NHS: variants seen among roughly 807,000 people sequenced by gnomAD.
NHS encodes NHS actin remodeling regulator.
A neutral mutation model predicts 72.5 loss-of-function variants in NHS; 5 were observed. The ratio of observed to expected loss-of-function variants is 0.07; its 90% CI spans 0.04 to 0.14. The LOEUF (loss-of-function observed/expected upper bound fraction) is 0.14, where lower values mean the gene tolerates loss of function less well. Ranked by LOEUF, NHS falls within the 10% of genes least tolerant of loss-of-function variation. The pLI is 1.00. For missense variants in NHS, 1,072 were observed against 1,355.7 expected (o/e 0.79, Z 3.29); for synonymous variants, 464 against 547.7 (o/e 0.85, Z 2.13).
At chrX:17,469,071 C>T (rs745646367) in intron 1 of NHS, among the ~76,000 whole-genome samples, 148 of 111,865 alleles carry the variant, frequency 1.3e-3, no homozygotes, top group African/African-American at 4.4e-3. Flanking sequence ...TGGAATCATA[C>T]AGTATGTGCC....
At chrX:17,532,610 T>C (rs1315852874) in intron 1 of NHS, among the ~76,000 whole-genome samples, 2 of 111,715 alleles carry the variant, frequency 1.8e-5, no homozygotes, top group Non-Finnish European at 3.8e-5. Flanking sequence ...GTCTATAGAA[T>C]GTCTCCCAGG....
chrX:17,442,363 A>C (rs751811215), intron 1 of NHS, among the ~76,000 whole-genome samples: 1 of 112,300 alleles, frequency 8.9e-6, no homozygotes, highest in South Asian at 3.8e-4. Flanking sequence ...GAGCCAGCAG[A>C]TGACAGAGGA....
At chrX:17,700,212 G>A (rs2066254157) in intron 3 of NHS, among the ~76,000 whole-genome samples, 2 of 110,861 alleles carry the variant, frequency 1.8e-5, no homozygotes, top group Admixed American at 9.6e-5. Flanking sequence ...GGAGGCTCAG[G>A]TGGGAGGATC....
intron 1 of NHS, among the ~76,000 whole-genome samples, chrX:17,666,618 C>A (rs1440363967): frequency 9.0e-6 from 1 of 111,551 alleles, no homozygotes; most frequent in African/African-American, 3.3e-5. Context: ...TGAATGAAAG[C>A]TGAAAATATG....
intron 1 of NHS, among the ~76,000 whole-genome samples, chrX:17,454,783 T>C (rs1322155399): frequency 8.9e-6 from 1 of 112,161 alleles, no homozygotes; most frequent in East Asian, 2.8e-4. Context: ...TCGTAAGGCA[T>C]CTACGGACTC....
rs751357851 is a variant in NHS at position 17,726,047 on chromosome X, A to C, written c.1941A>C (p.Glu647Asp). 8.3e-7 allele frequency: 1 copy of C among 1,211,438 alleles called. No individual in the cohort carries two copies. The highest frequency in any genetic ancestry group is 2.2e-5 in the Admixed American group (1 of 45,997). The change falls in exon 7 of 9, where the codon GAA (glutamate) becomes GAC (aspartate). Residue 647 changes from glutamate to aspartate, a missense_variant. Coordinates refer to ENST00000676302, the MANE Select transcript of NHS (RefSeq NM_001291867.2). Reference sequence around the variant, plus strand: ...CCACGTGCCCCTCGCAGACCTCAGAAACCATCCCTCCTGCAGCTTCTCCTC... The same window carrying C: ...CCACGTGCCCCTCGCAGACCTCAGACACCATCCCTCCTGCAGCTTCTCCTC... The part of the protein sequence containing the change: ...SSSTCPSQTS[E>D]TIPPAASPPL...
At chrX:17,681,917 T>G in intron 1 of NHS, among the ~76,000 whole-genome samples, 1 of 111,582 alleles carries the variant, frequency 9.0e-6, no homozygotes, top group South Asian at 3.7e-4. Context: ...TTTCTGATGC[T>G]GAGAGGTGAA....
At chrX:17,420,184 A>C (rs1206606018) in intron 1 of NHS, among the ~76,000 whole-genome samples, 2 of 112,163 alleles carry the variant, frequency 1.8e-5, no homozygotes, top group Non-Finnish European at 3.8e-5. Context: ...TGAGATATTT[A>C]ATGACAACAG....
chrX:17,729,100 T>G (rs765267129), intron 8 of NHS, among the ~76,000 whole-genome samples: 22 of 111,550 alleles, frequency 2.0e-4, no homozygotes, highest in African/African-American at 7.2e-4. Context: ...GAGTGAAAGC[T>G]CAAACTCTAG....
chrX:17,534,564 C>T (rs922428466), intron 1 of NHS, among the ~76,000 whole-genome samples: 3 of 111,266 alleles, frequency 2.7e-5, no homozygotes, highest in African/African-American at 9.8e-5. Flanking sequence ...ACTCTAGTGG[C>T]CCCATAAATG....
intron 1 of NHS, among the ~76,000 whole-genome samples, chrX:17,478,350 G>A (rs1404966940): frequency 1.8e-5 from 2 of 112,011 alleles, no homozygotes; most frequent in African/African-American, 6.5e-5. Context: ...TCTCTAACGT[G>A]CTCAAGATGA....
intron 1 of NHS, among the ~76,000 whole-genome samples, chrX:17,445,495 T>A (rs2064774338): frequency 9.0e-6 from 1 of 110,851 alleles, no homozygotes; most frequent in African/African-American, 3.3e-5. Flanking sequence ...CCCATGTTGT[T>A]GTGTGTAGCT....
chrX:17,393,527 G>T (rs927962398), intron 1 of NHS, among the ~76,000 whole-genome samples: 8 of 112,489 alleles, frequency 7.1e-5, no homozygotes, highest in African/African-American at 2.6e-4. Context: ...TTTGACATTG[G>T]AATCTTTATT....
chrX:17,474,163 G>A (rs759134951), intron 1 of NHS, among the ~76,000 whole-genome samples: 3 of 111,378 alleles, frequency 2.7e-5, no homozygotes, highest in South Asian at 7.6e-4. Context: ...GGTGGATAAG[G>A]CTAGCTTTGC....
Position 17,692,427 on chromosome X carries a change from A to G in NHS, c.811A>G (p.Ser271Gly). The G allele has an allele frequency of 8.3e-7, 1 of 1,210,447 alleles. No homozygotes were observed. The change falls in exon 3 of 9, where the codon AGC (serine) becomes GGC (glycine). Residue 271 changes from serine (S) to glycine (G), a missense_variant. By Grantham distance (56) the Ser-to-Gly change is moderately conservative. Transcript: ENST00000676302. ...PPLPAYPPAH[S>G]QRRREFKDRH... is the part of the protein sequence containing the mutation. ...ACTGCCAGCCTACCCTCCAGCTCAC[A>G]GCCAGAGGAGGCGTGAGTTTAAGGA...
intron 1 of NHS, among the ~76,000 whole-genome samples, chrX:17,606,072 A>G (rs1399977040): frequency 8.9e-6 from 1 of 112,065 alleles, no homozygotes; most frequent in African/African-American, 3.2e-5. Context: ...TGGAAACTTT[A>G]GTTGTTTACA....
Position 17,538,598 on chromosome X carries a change from G to A in NHS, c.566-149144G>A, listed in dbSNP as rs778949318. Among the ~76,000 whole-genome samples, 3 of 111,639 alleles carry A rather than the reference G, an allele frequency of 2.7e-5. No individual in the cohort carries two copies. In the South Asian group the frequency reaches 1.1e-3, roughly 42 times the overall value. On this transcript the variant is annotated intron_variant, in intron 1 of 8. Transcript: ENST00000676302. ...TGAGTCCTGGCACTTCTGTGCTCCAGTGACCAGAGAAAGCCCTCAGGGAGA... is the reference window on the plus strand; with the variant it reads ...TGAGTCCTGGCACTTCTGTGCTCCAATGACCAGAGAAAGCCCTCAGGGAGA...
At chrX:17,710,627 G>A (rs1423617098) in intron 3 of NHS, among the ~76,000 whole-genome samples, 1 of 111,686 alleles carries the variant, frequency 9.0e-6, no homozygotes, top group Non-Finnish European at 1.9e-5. Flanking sequence ...CAGGGGTAGG[G>A]GTTGGGGGAG....
chrX:17,643,961 C>T (rs1362542428), intron 1 of NHS, among the ~76,000 whole-genome samples: 1 of 112,311 alleles, frequency 8.9e-6, no homozygotes, highest in East Asian at 2.8e-4. Flanking sequence ...CCTCTAATTT[C>T]TTAGCTTTAG....
Sources: allele counts gnomAD v4.1 joint callset (sites outside exome capture counted in the v4.1 genomes callset), GRCh38; gene constraint gnomAD v4.1.1; transcripts MANE v1.5; gene names NCBI Gene and HGNC (gene_info 2026-07-23, HGNC 2026-07-21).